SLC7A1: variants seen among roughly 807,000 people sequenced by gnomAD.
SLC7A1 encodes solute carrier family 7 member 1.
SLC7A1 carries 10 observed loss-of-function variants against 53.9 expected under a neutral mutation model. That is an observed-to-expected ratio of 0.19 (90% confidence interval 0.11 to 0.31). The LOEUF (loss-of-function observed/expected upper bound fraction) is 0.31, where lower values mean the gene tolerates loss of function less well. Ranked by LOEUF, SLC7A1 falls within the 10% of genes least tolerant of loss-of-function variation. The pLI is 1.00. For synonymous variants in SLC7A1, 342 were observed against 338.7 expected, an observed-to-expected ratio of 1.01 and a Z score of -0.11; for missense variants, 525 against 827.2, an observed-to-expected ratio of 0.63 and a Z score of 4.48.
At chr13:29,554,359 T>C (rs1017337457) in intron 1 of SLC7A1, among the ~76,000 whole-genome samples, 2 of 152,180 alleles carry the variant, frequency 1.3e-5, no homozygotes, top group African/African-American at 4.8e-5. Context: ...TGGAGTTCTA[T>C]GGGTACTATT....
chr13:29,549,162 G>C (rs148248180), intron 2 of SLC7A1, among the ~76,000 whole-genome samples: 281 of 152,358 alleles, frequency 1.8e-3, no homozygotes, highest in African/African-American at 6.5e-3. Flanking sequence ...GCCTCTATCA[G>C]AGAGGAGAAT....
chr13:29,551,500 A>T (rs1000707134), intron 2 of SLC7A1, among the ~76,000 whole-genome samples: 3 of 152,136 alleles, frequency 2.0e-5, no homozygotes, highest in African/African-American at 7.2e-5. Flanking sequence ...TTGTGCCCCA[A>T]CACCACCCAA....
intron 1 of SLC7A1, among the ~76,000 whole-genome samples, chr13:29,561,936 C>G (rs978730255): frequency 2.0e-5 from 3 of 152,220 alleles, no homozygotes; most frequent in African/African-American, 7.2e-5. Context: ...TGTCCTTGAG[C>G]CTTCCAGTCC....
chr13:29,571,338 G>A (rs530768114), intron 1 of SLC7A1, among the ~76,000 whole-genome samples: 1 of 152,144 alleles, frequency 6.6e-6, no homozygotes, highest in Non-Finnish European at 1.5e-5. Context: ...TAAACAAAAT[G>A]GGAAAATTAT....
intron 2 of SLC7A1, among the ~76,000 whole-genome samples, chr13:29,537,894 T>G (rs1446215185): frequency 6.6e-6 from 1 of 152,210 alleles, no homozygotes; most frequent in Non-Finnish European, 1.5e-5. Flanking sequence ...GCCTAACGAC[T>G]TGAACACTTC....
Position 29,544,822 on chromosome 13 carries a change from T to C in SLC7A1, c.-14-8620A>G, listed in dbSNP as rs564449514. On this transcript the variant is annotated intron_variant, in intron 2 of 12. Coordinates refer to ENST00000380752, the MANE Select transcript of SLC7A1 (RefSeq NM_003045.5). Reference sequence around the variant, plus strand: ...ATACAGAAGAGGGCACAGATGGCACTGTGCCCTGTCGTAGGGGGCACAGGT... The same window carrying C: ...ATACAGAAGAGGGCACAGATGGCACCGTGCCCTGTCGTAGGGGGCACAGGT... 1.3e-3 allele frequency among the ~76,000 whole-genome samples: 191 copies of C among 145,296 alleles called. 1 individual carries two copies. Among genetic ancestry groups the C allele is most frequent in the Non-Finnish European group, 1.3e-3 (85 of 67,040 alleles).
chr13:29,524,096 AG>A lies in SLC7A1; in HGVS notation c.826+35del, dbSNP rs1427957665. On this transcript the variant is annotated intron_variant, in intron 6 of 12. Coordinates refer to ENST00000380752, the MANE Select transcript of SLC7A1 (RefSeq NM_003045.5). The stretch of plus-strand genomic sequence containing the variant: ...GCATTGGCTTGTTTGCCCAGGGTGC[AG>A]GAGGACCCGGGACCGCAGTGGCTGG... The A allele has an allele frequency of 1.9e-6, 3 of 1,609,022 alleles. No homozygotes were observed. The Admixed American group carries it at 5.0e-5, about 27-fold the overall frequency.
chr13:29,587,494 A>G (rs1439392666), intron 1 of SLC7A1, among the ~76,000 whole-genome samples: 1 of 152,190 alleles, frequency 6.6e-6, no homozygotes, highest in Admixed American at 6.5e-5. Flanking sequence ...CAAGAGGCTC[A>G]TTAAAAGGCA....
At chr13:29,530,794 G>T in intron 4 of SLC7A1, 82 bp from the exon 5 acceptor site, 5 of 1,199,178 alleles carry the variant, frequency 4.2e-6, no homozygotes, top group Non-Finnish European at 6.0e-6. Flanking sequence ...GGATAAGAAG[G>T]CGACTGAAAA....
intron 1 of SLC7A1, among the ~76,000 whole-genome samples, chr13:29,573,170 T>A (rs1419341648): frequency 6.6e-6 from 1 of 152,202 alleles, no homozygotes; most frequent in African/African-American, 2.4e-5. Flanking sequence ...GGTGATGACA[T>A]ATATCTGATA....
intron 2 of SLC7A1, among the ~76,000 whole-genome samples, chr13:29,548,128 C>A (rs1265626610): frequency 6.6e-6 from 1 of 152,194 alleles, no homozygotes; most frequent in East Asian, 1.9e-4. Flanking sequence ...TCCTGAGACA[C>A]TTCTCTGGGC....
chr13:29,582,490 T>C (rs1477707506), intron 1 of SLC7A1, among the ~76,000 whole-genome samples: 1 of 152,214 alleles, frequency 6.6e-6, no homozygotes, highest in Non-Finnish European at 1.5e-5. Context: ...GAGCATCCAC[T>C]TCCTAGCAGG....
At chr13:29,533,852 A>G (rs763367978) in intron 3 of SLC7A1, among the ~76,000 whole-genome samples, 1 of 152,216 alleles carries the variant, frequency 6.6e-6, no homozygotes, top group Non-Finnish European at 1.5e-5. Context: ...GCATTTTCAT[A>G]GAGCGTTTTC....
chr13:29,517,230 G>T lies in SLC7A1; in HGVS notation c.1591C>A (p.Leu531Met), dbSNP rs1356936448. 6.2e-7 allele frequency: 1 copy of T among 1,613,464 alleles called. No individual in the cohort carries two copies. Among genetic ancestry groups the T allele is most frequent in the Admixed American group, 1.7e-5 (1 of 59,928 alleles). Reference protein sequence around the residue: ...LTKGALWAVFLLAGSALLCAV... With the variant: ...LTKGALWAVFMLAGSALLCAV... Reference sequence around the variant, plus strand: ...CAGAGGAGGGCAGACCCTGCGAGCAGAAAGACTGCCCACAGCGCCCCTTTG... The same window carrying T: ...CAGAGGAGGGCAGACCCTGCGAGCATAAAGACTGCCCACAGCGCCCCTTTG... The change falls in exon 11 of 13, where the codon CTG becomes ATG. Residue 531 changes from leucine to methionine, a missense_variant. This residue lies in a region of SLC7A1 where 122 missense variants were observed against 140.9 expected (regional missense o/e 0.87). Transcript: ENST00000380752.
At chr13:29,551,215 C>T (rs952482870) in intron 2 of SLC7A1, among the ~76,000 whole-genome samples, 1 of 152,204 alleles carries the variant, frequency 6.6e-6, no homozygotes, top group Non-Finnish European at 1.5e-5. Context: ...TAACTGTTCA[C>T]AATGATCGAT....
At chr13:29,592,136 C>A (rs534249448) in intron 1 of SLC7A1, among the ~76,000 whole-genome samples, 1 of 152,218 alleles carries the variant, frequency 6.6e-6, no homozygotes. Context: ...AAGCATCCTT[C>A]GTTTCAGGGC....
At chr13:29,546,935 G>A (rs937246956) in intron 2 of SLC7A1, among the ~76,000 whole-genome samples, 1 of 152,182 alleles carries the variant, frequency 6.6e-6, no homozygotes, top group African/African-American at 2.4e-5. Flanking sequence ...AGTCACAATT[G>A]CTAATCCTCT....
intron 2 of SLC7A1, among the ~76,000 whole-genome samples, chr13:29,537,140 A>G (rs915178775): frequency 3.3e-5 from 5 of 152,344 alleles, no homozygotes; most frequent in Admixed American, 3.3e-4. Context: ...TGAAGGGAAG[A>G]GACTTCCTTC....
At chr13:29,569,224 C>A (rs552539956) in intron 1 of SLC7A1, among the ~76,000 whole-genome samples, 1 of 152,050 alleles carries the variant, frequency 6.6e-6, no homozygotes, top group Non-Finnish European at 1.5e-5. Flanking sequence ...AGGAGTGAGG[C>A]GAAGGAGGAC....
Sources: allele counts gnomAD v4.1 joint callset (sites outside exome capture counted in the v4.1 genomes callset), GRCh38; gene constraint gnomAD v4.1.1; regional missense constraint gnomAD v4.1.1; transcripts MANE v1.5; gene names NCBI Gene and HGNC (gene_info 2026-07-23, HGNC 2026-07-21).